Variants in PSD3 observed in about 807,000 individuals in gnomAD.
PSD3 encodes PH and SEC7 domain-containing protein 3.
A neutral mutation model predicts 105.5 loss-of-function variants in PSD3; 49 were observed. The observed-to-expected ratio is 0.46, with a 90% CI of 0.37 to 0.59. PSD3 has a LOEUF of 0.59. PSD3 is among the 20% of genes least tolerant of loss of function. The pLI, the probability that PSD3 is intolerant of heterozygous loss-of-function variation, is 0.00. For synonymous variants in PSD3, 557 were observed against 457.8 expected, an observed-to-expected ratio of 1.22 and a Z score of -2.77; for missense variants, 1,561 against 1,263.8, an observed-to-expected ratio of 1.24 and a Z score of -3.57.
intron 12 of PSD3, among the ~76,000 whole-genome samples, chr8:18,595,450 G>GAC (rs1359848229): frequency 2.7e-5 from 4 of 150,168 alleles, no homozygotes; most frequent in South Asian, 4.3e-4. Context: ...GAGAGAGAGA[G>GAC]AGACAGAGAG....
At chr8:18,701,330 T>G (rs1002005146) in intron 9 of PSD3, among the ~76,000 whole-genome samples, 4 of 152,150 alleles carry the variant, frequency 2.6e-5, no homozygotes, top group African/African-American at 9.7e-5. Flanking sequence ...TCACAAGAAA[T>G]GCTGTGTCTC....
intron 2 of PSD3, among the ~76,000 whole-genome samples, chr8:18,893,702 A>G (rs7017493): frequency 3.6e-5 from 5 of 138,638 alleles, no homozygotes; most frequent in South Asian, 2.5e-4. Context: ...AAGCAGGATC[A>G]GAACTCCAGG....
intron 1 of PSD3, among the ~76,000 whole-genome samples, chr8:18,955,933 A>G (rs1240271484): frequency 6.6e-6 from 1 of 151,846 alleles, no homozygotes. Context: ...TGCCTCGGCT[A>G]ATTTTTGTAT....
rs944618737 is a variant in PSD3, at chr8:18,527,551, T to C, written c.*8192A>G. 6.6e-6 allele frequency: 1 copy of C among 152,636 alleles called. No individual in the cohort carries two copies. The highest frequency in any genetic ancestry group is 6.5e-5 in the Admixed American group (1 of 15,278). 9.5% of individuals were successfully genotyped at this position (152,636 alleles called of 1,614,324 possible). On this transcript the variant is annotated 3_prime_UTR_variant, in exon 16 of 16. Transcript: ENST00000327040. The stretch of plus-strand genomic sequence containing the variant: ...ACAGCTTCTATACATATCAGATGAC[T>C]CACTTGTCTACAAGGTTTAGATTTA...
intron 9 of PSD3, among the ~76,000 whole-genome samples, chr8:18,752,491 TAA>T (rs1805581834): frequency 2.2e-4 from 4 of 18,014 alleles, no homozygotes; most frequent in African/African-American, 3.6e-4. Context: ...ATTATATATA[TAA>T]TATATATAAT....
intron 9 of PSD3, among the ~76,000 whole-genome samples, chr8:18,709,484 C>G (rs973534431): frequency 6.6e-6 from 1 of 152,238 alleles, no homozygotes; most frequent in Non-Finnish European, 1.5e-5. Context: ...CCTGTTCTGC[C>G]AAGGGGCAGC....
intron 9 of PSD3, among the ~76,000 whole-genome samples, chr8:18,706,190 T>C (rs911499566): frequency 6.6e-6 from 1 of 152,190 alleles, no homozygotes; most frequent in African/African-American, 2.4e-5. Flanking sequence ...ACAGCCGTTC[T>C]GTAGCCACCA....
rs58839976 is a variant in PSD3 at position 18,705,859 on chromosome 8, T to C, written c.2173-50174A>G. 6.6e-3 allele frequency among the ~76,000 whole-genome samples: 1,012 copies of C among 152,264 alleles called. 11 individuals are homozygous for C. The highest frequency in any genetic ancestry group is 0.023 in the African/African-American group (959 of 41,544). On this transcript the variant is annotated intron_variant, in intron 9 of 15. Coordinates refer to ENST00000327040, the MANE Select transcript of PSD3 (RefSeq NM_015310.4). ...TTGTATTGCTATATACAAACGTATT[T>C]TGTATGTGGAAAAAGAATATTTGTG...
chr8:18,654,298 A>G (rs1808728705), intron 10 of PSD3, among the ~76,000 whole-genome samples: 1 of 152,174 alleles, frequency 6.6e-6, no homozygotes, highest in Non-Finnish European at 1.5e-5. Context: ...CTATTAACCC[A>G]TGTTCCTCCA....
intron 15 of PSD3, among the ~76,000 whole-genome samples, chr8:18,537,728 G>A (rs1799919584): frequency 1.3e-5 from 2 of 151,830 alleles, no homozygotes; most frequent in African/African-American, 4.8e-5. Flanking sequence ...CCAGGCTGGA[G>A]TGCAGTGGCA....
intron 1 of PSD3, among the ~76,000 whole-genome samples, chr8:19,068,209 G>A (rs2129477825): frequency 6.6e-6 from 1 of 151,012 alleles, no homozygotes; most frequent in Middle Eastern, 3.4e-3. Flanking sequence ...TGGTGGAATT[G>A]ACATGGGGGA....
chr8:18,977,066 G>A (rs1586564309), intron 1 of PSD3, among the ~76,000 whole-genome samples: 1 of 151,846 alleles, frequency 6.6e-6, no homozygotes, highest in Non-Finnish European at 1.5e-5. Context: ...TGGAGACCAG[G>A]CTGGCCAACA....
At chr8:19,040,257 C>T (rs746097019) in intron 1 of PSD3, among the ~76,000 whole-genome samples, 1 of 152,132 alleles carries the variant, frequency 6.6e-6, no homozygotes, top group East Asian at 1.9e-4. Flanking sequence ...GGCTGGAGTG[C>T]AGCGGCATGA....
intron 4 of PSD3, among the ~76,000 whole-genome samples, chr8:18,857,345 C>T (rs141759779): frequency 0.047 from 7,114 of 152,238 alleles, 198 homozygotes; most frequent in Admixed American, 0.085. Context: ...AAATTTTGCT[C>T]GAGCAGGTCC....
intron 1 of PSD3, among the ~76,000 whole-genome samples, chr8:18,996,503 A>G (rs1239392048): frequency 6.6e-6 from 1 of 152,000 alleles, no homozygotes; most frequent in Admixed American, 6.5e-5. Context: ...GAAAAAAATC[A>G]ACAGCATTAA....
intron 14 of PSD3, among the ~76,000 whole-genome samples, chr8:18,560,676 C>T (rs887197524): frequency 2.0e-5 from 3 of 152,008 alleles, no homozygotes; most frequent in African/African-American, 4.8e-5. Flanking sequence ...GGCAAGTTTT[C>T]GAAGTCACTT....
chr8:18,549,398 G>A lies in PSD3; in HGVS notation c.2928+6811C>T, dbSNP rs547307011. ...GTTTCTTTGTATTTTTAATTGAGACGGGTTTCACCATGTTGGCCAGGCTGG... is the reference window on the plus strand; with the variant it reads ...GTTTCTTTGTATTTTTAATTGAGACAGGTTTCACCATGTTGGCCAGGCTGG... On this transcript the variant is annotated intron_variant, in intron 15 of 15. Transcript: ENST00000327040. Among the ~76,000 whole-genome samples, 182 of 152,030 alleles carry A rather than the reference G, an allele frequency of 1.2e-3. 2 individuals carry two copies. Among genetic ancestry groups the A allele is most frequent in the South Asian group, 6.0e-3 (29 of 4,808 alleles).
chr8:19,073,911 TTCCCGAGTAGCTGGGAC>T (rs1264936539), intron 1 of PSD3, among the ~76,000 whole-genome samples: 1 of 151,818 alleles, frequency 6.6e-6, no homozygotes, highest in African/African-American at 2.4e-5. Context: ...CCGCCTCAGC[TTCCCGAGTAGCTGGGAC>T]TACAGGCGCC....
chr8:18,756,596 G>C (rs528162415), intron 9 of PSD3, among the ~76,000 whole-genome samples: 1 of 152,170 alleles, frequency 6.6e-6, no homozygotes, highest in South Asian at 2.1e-4. Flanking sequence ...ATCCTTACAA[G>C]ATCACCCTGT....
Sources: allele counts gnomAD v4.1 joint callset (sites outside exome capture counted in the v4.1 genomes callset), GRCh38; gene constraint gnomAD v4.1.1; transcripts MANE v1.5; gene names NCBI Gene and HGNC (gene_info 2026-07-23, HGNC 2026-07-21).